L3MBTL4: variants seen among roughly 807,000 people sequenced by gnomAD.
L3MBTL4 encodes L3MBTL histone methyl-lysine binding protein 4.
L3MBTL4 carries 70 observed loss-of-function variants against 84.5 expected under a neutral mutation model. That is an observed-to-expected ratio of 0.83 (90% CI 0.68 to 1.01). L3MBTL4 has a LOEUF of 1.01. L3MBTL4 is among the 50% of genes least tolerant of loss of function. L3MBTL4 has a pLI of 0.00. For synonymous variants in L3MBTL4, 274 were observed against 259.8 expected, an observed-to-expected ratio of 1.05 and a Z score of -0.52; for missense variants, 715 against 754.8, an observed-to-expected ratio of 0.95 and a Z score of 0.62.
chr18:6,030,499 C>A, intron 16 of L3MBTL4: 2 of 929,104 alleles, frequency 2.2e-6, no homozygotes, highest in Non-Finnish European at 2.6e-6. Context: ...AATGAAGAGA[C>A]TCTTTTTTTT....
intron 16 of L3MBTL4, among the ~76,000 whole-genome samples, chr18:6,039,565 C>G (rs1598521069): frequency 6.6e-6 from 1 of 152,252 alleles, no homozygotes; most frequent in East Asian, 1.9e-4. Context: ...TGGAGTTGTG[C>G]AGATTCTCTT....
intron 13 of L3MBTL4, among the ~76,000 whole-genome samples, chr18:6,163,304 TGTGG>T (rs58367991): frequency 0.086 from 8,718 of 101,154 alleles, 754 homozygotes; most frequent in African/African-American, 0.11. Context: ...TGTGTGTGTG[TGTGG>T]GTGGGTGTGT....
chr18:6,308,205 C>A (rs1269440012), intron 3 of L3MBTL4, among the ~76,000 whole-genome samples: 1 of 152,126 alleles, frequency 6.6e-6, no homozygotes, highest in Non-Finnish European at 1.5e-5. Flanking sequence ...CAGAGAAAAA[C>A]CCTCTTCAAG....
At chr18:6,127,912 T>C (rs2059747632) in intron 14 of L3MBTL4, among the ~76,000 whole-genome samples, 1 of 152,022 alleles carries the variant, frequency 6.6e-6, no homozygotes, top group Non-Finnish European at 1.5e-5. Flanking sequence ...CCAGCTTTTT[T>C]TGGTGCCTCA....
chr18:5,983,783 C>T (rs2053344132), intron 16 of L3MBTL4, among the ~76,000 whole-genome samples: 2 of 152,310 alleles, frequency 1.3e-5, no homozygotes, highest in African/African-American at 2.4e-5. Flanking sequence ...CAGGACTCTT[C>T]AGGGAACTTA....
intron 4 of L3MBTL4, among the ~76,000 whole-genome samples, chr18:6,271,632 T>C (rs2048875310): frequency 6.6e-6 from 1 of 152,158 alleles, no homozygotes; most frequent in Non-Finnish European, 1.5e-5. Flanking sequence ...CACACATTCT[T>C]AGCAAAGGCA....
intron 5 of L3MBTL4, among the ~76,000 whole-genome samples, chr18:6,254,466 T>C (rs1156435543): frequency 1.4e-5 from 2 of 141,262 alleles, no homozygotes; most frequent in African/African-American, 5.3e-5. Flanking sequence ...ATGGGGAAAA[T>C]CATCACCTAC....
chr18:6,023,197 C>A (rs910406073), intron 16 of L3MBTL4, among the ~76,000 whole-genome samples: 2 of 152,180 alleles, frequency 1.3e-5, no homozygotes, highest in African/African-American at 4.8e-5. Context: ...TGTGGCTAGA[C>A]ATACTGACTT....
chr18:5,970,383 T>G (rs2052582615), intron 16 of L3MBTL4, among the ~76,000 whole-genome samples: 1 of 152,226 alleles, frequency 6.6e-6, no homozygotes, highest in African/African-American at 2.4e-5. Flanking sequence ...AGCCCCACAC[T>G]TATCAACAGC....
At chr18:6,107,989 C>A (rs1046974594) in intron 14 of L3MBTL4, among the ~76,000 whole-genome samples, 5 of 152,174 alleles carry the variant, frequency 3.3e-5, no homozygotes, top group African/African-American at 1.2e-4. Flanking sequence ...CCAAAAATCG[C>A]GTGCCATGCC....
chr18:6,223,193 T>C (rs182135766), intron 10 of L3MBTL4, among the ~76,000 whole-genome samples: 5 of 152,204 alleles, frequency 3.3e-5, no homozygotes, highest in Admixed American at 2.6e-4. Flanking sequence ...TTATTATAGC[T>C]TTATTCCCTA....
intron 13 of L3MBTL4, among the ~76,000 whole-genome samples, chr18:6,139,930 T>C (rs76177068): frequency 0.017 from 2,583 of 152,190 alleles, 81 homozygotes; most frequent in African/African-American, 0.058. Context: ...CTCTCCATGT[T>C]CTGCTCTGTC....
intron 1 of L3MBTL4, among the ~76,000 whole-genome samples, chr18:6,326,125 T>C (rs929955044): frequency 6.6e-6 from 1 of 152,294 alleles, no homozygotes; most frequent in Middle Eastern, 3.4e-3. Context: ...TCCATCTTAC[T>C]CCTTCTTGAC....
chr18:6,333,412 A>G (rs1350845563), intron 1 of L3MBTL4, among the ~76,000 whole-genome samples: 1 of 152,090 alleles, frequency 6.6e-6, no homozygotes, highest in Non-Finnish European at 1.5e-5. Flanking sequence ...ATCTCTACTA[A>G]CAATACAAAA....
At chr18:6,274,134 C>T (rs190068658) in intron 4 of L3MBTL4, among the ~76,000 whole-genome samples, 9 of 152,292 alleles carry the variant, frequency 5.9e-5, no homozygotes, top group East Asian at 5.8e-4. Context: ...TTTCCCAAAC[C>T]ATGTTACATG....
At chr18:6,264,970 T>C (rs1259268654) in intron 4 of L3MBTL4, among the ~76,000 whole-genome samples, 1 of 152,230 alleles carries the variant, frequency 6.6e-6, no homozygotes, top group Admixed American at 6.5e-5. Context: ...ACGCGTTACA[T>C]GGACATGCCC....
chr18:6,038,850 C>A (rs495556), intron 16 of L3MBTL4, among the ~76,000 whole-genome samples: 5,855 of 152,068 alleles, frequency 0.039, 386 homozygotes, highest in African/African-American at 0.13. Flanking sequence ...CCCCAAAATT[C>A]ATATGGTGAA....
intron 16 of L3MBTL4, among the ~76,000 whole-genome samples, chr18:6,021,950 G>A (rs974595328): frequency 6.6e-6 from 1 of 152,178 alleles, no homozygotes; most frequent in Non-Finnish European, 1.5e-5. Context: ...TAGTGGTGAT[G>A]CTGCTGATAG....
At chr18:5,994,513 G>T (rs973875070) in intron 16 of L3MBTL4, among the ~76,000 whole-genome samples, 1 of 152,196 alleles carries the variant, frequency 6.6e-6, no homozygotes, top group Non-Finnish European at 1.5e-5. Context: ...AGGGAAGCAG[G>T]TGGGGCAGGC....
Sources: gnomAD v4.1 joint callset for allele counts (sites outside exome capture counted in the v4.1 genomes callset) on GRCh38, gnomAD v4.1.1 for gene constraint, MANE v1.5 for transcripts, NCBI Gene and HGNC (gene_info 2026-07-23, HGNC 2026-07-21) for gene names.